DLGAP2: variants seen among roughly 807,000 people sequenced by gnomAD.
DLGAP2 encodes DLG associated protein 2.
A neutral mutation model predicts 100.3 loss-of-function variants in DLGAP2; 26 were observed. The observed-to-expected ratio is 0.26, with a 90% CI of 0.19 to 0.36. The LOEUF (loss-of-function observed/expected upper bound fraction) is 0.36. Among genes scored for constraint, DLGAP2 ranks in the 10% least tolerant of loss-of-function variants. The probability of loss-of-function intolerance (pLI) is 1.00; values close to 1 mark genes in which losing one functional copy is unlikely to be tolerated. For synonymous variants in DLGAP2, 886 were observed against 630.1 expected (o/e 1.41, Z -6.08); for missense variants, 1,858 against 1,453.2 (o/e 1.28, Z -4.53).
At chr8:1,191,733 T>G (rs1797644265) in intron 2 of DLGAP2, among the ~76,000 whole-genome samples, 1 of 152,198 alleles carries the variant, frequency 6.6e-6, no homozygotes, top group Admixed American at 6.5e-5. Context: ...TGATCACACT[T>G]TACCCTCCTA....
At chr8:907,197 G>A (rs1183620657) in intron 1 of DLGAP2, among the ~76,000 whole-genome samples, 1 of 152,204 alleles carries the variant, frequency 6.6e-6, no homozygotes, top group Non-Finnish European at 1.5e-5. Flanking sequence ...GTTGAGGAAT[G>A]GCTGCAAGTT....
chr8:933,446 AGGGG>A (rs1275409790), intron 2 of DLGAP2, among the ~76,000 whole-genome samples: 5 of 122,358 alleles, frequency 4.1e-5, no homozygotes, highest in Admixed American at 8.7e-5. Context: ...TGTGGGCACG[AGGGG>A]AGGGTGAGGG....
chr8:818,372 C>T (rs962187134), intron 1 of DLGAP2, among the ~76,000 whole-genome samples: 3 of 152,174 alleles, frequency 2.0e-5, no homozygotes, highest in East Asian at 1.9e-4. Context: ...CCAACAGTAC[C>T]GAGTCTATTT....
At chr8:1,423,684 G>T (rs139764295) in intron 3 of DLGAP2, among the ~76,000 whole-genome samples, 2 of 152,338 alleles carry the variant, frequency 1.3e-5, no homozygotes, top group East Asian at 3.9e-4. Flanking sequence ...AGCCTGGCAT[G>T]TGTAGCTGCT....
chr8:1,387,079 C>T (rs556792718), intron 3 of DLGAP2, among the ~76,000 whole-genome samples: 40 of 152,130 alleles, frequency 2.6e-4, no homozygotes, highest in African/African-American at 8.0e-4. Flanking sequence ...GCATGTATTG[C>T]GGGTGTGGTC....
At chr8:791,486 C>G (rs1822025024) in intron 1 of DLGAP2, among the ~76,000 whole-genome samples, 1 of 152,344 alleles carries the variant, frequency 6.6e-6, no homozygotes, top group South Asian at 2.1e-4. Flanking sequence ...ATCCTCCCCA[C>G]TTGTAACTGG....
chr8:1,325,825 G>A (rs779010535), intron 3 of DLGAP2, among the ~76,000 whole-genome samples: 19 of 152,062 alleles, frequency 1.2e-4, no homozygotes, highest in Non-Finnish European at 2.1e-4. Context: ...CTTTTGGATC[G>A]TTTTTTTGCA....
At chr8:1,297,264 C>G (rs1800203393) in intron 3 of DLGAP2, 2 of 152,232 alleles carry the variant, frequency 1.3e-5, no homozygotes, top group Non-Finnish European at 2.9e-5. Context: ...ACAAACAAAT[C>G]TTAACACATG....
chr8:1,330,129 C>A (rs1357271362), intron 3 of DLGAP2, among the ~76,000 whole-genome samples: 1 of 152,188 alleles, frequency 6.6e-6, no homozygotes, highest in African/African-American at 2.4e-5. Flanking sequence ...AGAGGTGTGG[C>A]TGTGGGAGTG....
At position 779,203 on chromosome 8, in the gene DLGAP2, G is replaced by A. The variant is rs1302773044; in HGVS notation, c.18+41378G>A. ...AATGCCTCGCCCTGCTTCGGCTCGC[G>A]CATGGTGCGCGCACCCACTGACCTG... On this transcript the variant is annotated intron_variant, in intron 1 of 14. Transcript: ENST00000637795. 4.6e-5 allele frequency among the ~76,000 whole-genome samples: 7 copies of A among 152,294 alleles called. No homozygotes were observed. The East Asian group carries it at 7.7e-4, about 17-fold the overall frequency.
chr8:756,277 G>C (rs1316796119), intron 1 of DLGAP2, among the ~76,000 whole-genome samples: 1 of 152,074 alleles, frequency 6.6e-6, no homozygotes, highest in Non-Finnish European at 1.5e-5. Context: ...AAGTGGGCCA[G>C]GCATGGTCAT....
chr8:1,087,037 T>C (rs545808536), intron 2 of DLGAP2, among the ~76,000 whole-genome samples: 3 of 152,264 alleles, frequency 2.0e-5, no homozygotes, highest in African/African-American at 2.4e-5. Flanking sequence ...TTTAAGAAGA[T>C]TGAAATCATA....
At chr8:1,319,722 G>A (rs1228187534) in intron 3 of DLGAP2, among the ~76,000 whole-genome samples, 1 of 152,156 alleles carries the variant, frequency 6.6e-6, no homozygotes, top group Non-Finnish European at 1.5e-5. Context: ...CAGAACGATG[G>A]GAAGAGGCAG....
chr8:1,002,037 G>C (rs528922679), intron 2 of DLGAP2: 1 of 152,302 alleles, frequency 6.6e-6, no homozygotes, highest in East Asian at 1.9e-4. Context: ...CTGGGACTGT[G>C]CTACCTGTTT....
chr8:1,417,568 G>T (rs576384946), intron 3 of DLGAP2, among the ~76,000 whole-genome samples: 11 of 142,762 alleles, frequency 7.7e-5, no homozygotes, highest in Non-Finnish European at 1.5e-4. Context: ...GAACAGGGGA[G>T]GAGAGGAGAA....
intron 1 of DLGAP2, among the ~76,000 whole-genome samples, chr8:788,735 G>T (rs902321008): frequency 5.3e-5 from 8 of 152,178 alleles, no homozygotes; most frequent in African/African-American, 1.4e-4. Context: ...TTAAGAAGTG[G>T]GGTGATACTG....
intron 4 of DLGAP2, among the ~76,000 whole-genome samples, chr8:1,546,826 GTGACGGGAGAGC>G (rs1377473704): frequency 6.6e-6 from 1 of 152,156 alleles, no homozygotes; most frequent in Non-Finnish European, 1.5e-5. Flanking sequence ...GACGCTTATG[GTGACGGGAGAGC>G]TGGCAGGCAG....
chr8:1,078,513 C>T (rs1219129528), intron 2 of DLGAP2, among the ~76,000 whole-genome samples: 1 of 152,170 alleles, frequency 6.6e-6, no homozygotes, highest in Non-Finnish European at 1.5e-5. Flanking sequence ...CTGGCAGCAT[C>T]ACACAGAGGA....
chr8:1,428,114 AAAG>A (rs2051672691), intron 3 of DLGAP2, among the ~76,000 whole-genome samples: 1 of 151,946 alleles, frequency 6.6e-6, no homozygotes, highest in Non-Finnish European at 1.5e-5. Context: ...AAAATAAGAG[AAAG>A]AAAATGATAA....
Sources: allele counts gnomAD v4.1 joint callset (sites outside exome capture counted in the v4.1 genomes callset), GRCh38; gene constraint gnomAD v4.1.1; transcripts MANE v1.5; gene names NCBI Gene and HGNC (gene_info 2026-07-23, HGNC 2026-07-21).